CEP350: variants seen among roughly 807,000 people sequenced by gnomAD.
The protein encoded by CEP350 is centrosome-associated protein 350.
In CEP350, 126 loss-of-function variants were observed where a neutral mutation model predicts 331.8. The observed-to-expected ratio is 0.38, with a 90% CI of 0.33 to 0.44. The LOEUF (loss-of-function observed/expected upper bound fraction) is 0.44, where lower values mean the gene tolerates loss of function less well. Ranked by LOEUF, CEP350 falls within the 20% of genes least tolerant of loss-of-function variation. The pLI is 1.00. For missense variants in CEP350, 3,406 were observed against 3,634.6 expected (o/e 0.94, Z 1.62); for synonymous variants, 1,200 against 1,259.5 (o/e 0.95, Z 1.00).
chr1:180,040,028 A>T (rs1035672786), intron 17 of CEP350, among the ~76,000 whole-genome samples: 1 of 146,904 alleles, frequency 6.8e-6, no homozygotes. Flanking sequence ...TGATGCTAAA[A>T]TTTTTTTTTT....
At chr1:180,075,580 ATAAAAT>A (rs1252752737) in intron 28 of CEP350, among the ~76,000 whole-genome samples, 1 of 152,174 alleles carries the variant, frequency 6.6e-6, no homozygotes, top group Non-Finnish European at 1.5e-5. Flanking sequence ...TAAAAATAAA[ATAAAAT>A]TAAAATGCAA....
At chr1:179,963,159 A>AT (rs933886191) in intron 1 of CEP350, among the ~76,000 whole-genome samples, 40 of 146,586 alleles carry the variant, frequency 2.7e-4, no homozygotes, top group Non-Finnish European at 5.7e-4. Flanking sequence ...TAATGGAGTT[A>AT]TTTTTTTTTT....
At position 180,037,074 on chromosome 1, in the gene CEP350, A is replaced by C. The variant is rs369864251; in HGVS notation, c.4095A>C (p.Leu1365=). 49 of 1,582,830 alleles carry C rather than the reference A, an allele frequency of 3.1e-5. No individual in the cohort carries two copies. The highest frequency in any genetic ancestry group is 3.6e-5 in the Non-Finnish European group (42 of 1,168,900). ...TTGCTCAGCAGGAGAGTGTGTCTCT[A>C]GCTCAGATAATAAAGGTATTTTTGG... ...ISLAQQESVS[L]AQIIKAQQQR... The change falls in exon 17 of 38, where the codon CTA becomes CTC. Residue 1365 remains leucine (L), a synonymous_variant. Transcript: ENST00000367607.
intron 1 of CEP350, among the ~76,000 whole-genome samples, chr1:179,985,322 T>C (rs1652575238): frequency 6.6e-6 from 1 of 152,220 alleles, no homozygotes; most frequent in Non-Finnish European, 1.5e-5. Flanking sequence ...TTATAGCACA[T>C]ATCAGATTTC....
intron 17 of CEP350, among the ~76,000 whole-genome samples, chr1:180,037,622 A>C (rs895181453): frequency 6.6e-6 from 1 of 152,220 alleles, no homozygotes; most frequent in African/African-American, 2.4e-5. Flanking sequence ...AAATACACAG[A>C]TTTTAAGTGT....
intron 1 of CEP350, among the ~76,000 whole-genome samples, chr1:179,964,211 GT>G (rs1221437957): frequency 6.6e-6 from 1 of 152,064 alleles, no homozygotes; most frequent in African/African-American, 2.4e-5. Flanking sequence ...AGGTCTAGGA[GT>G]TTTTTGAAGG....
chr1:180,078,573 T>C lies in CEP350; in HGVS notation c.5878T>C (p.Ser1960Pro), dbSNP rs145705801. The C allele has an allele frequency of 1.0e-4, 165 of 1,613,454 alleles. 1 individual carries two copies. The South Asian group carries it at 1.5e-3, about 15-fold the overall frequency. Residue 1960 changes from serine (S) to proline (P), a missense_variant, in exon 29 of 38, where the codon TCT (serine) becomes CCT (proline). Transcript: ENST00000367607. Reference sequence around the variant, plus strand: ...TGCTGTTGAATATGTACCATCCGAGTCTATAGGACAGGAGCAGCCAGGGAG... The same window carrying C: ...TGCTGTTGAATATGTACCATCCGAGCCTATAGGACAGGAGCAGCCAGGGAG... ...SPAVEYVPSE[S>P]IGQEQPGSPD...
intron 22 of CEP350, among the ~76,000 whole-genome samples, chr1:180,050,008 A>G (rs980528532): frequency 1.3e-5 from 2 of 152,238 alleles, no homozygotes; most frequent in African/African-American, 4.8e-5. Context: ...ACTGCAGAGC[A>G]TGGAGCCCAG....
Position 180,043,138 on chromosome 1 carries a change from G to A in CEP350, c.4445G>A (p.Arg1482Gln), listed in dbSNP as rs751701623. The A allele has an allele frequency of 8.7e-6, 14 of 1,613,528 alleles. No individual in the cohort carries two copies. Among genetic ancestry groups the A allele is most frequent in the South Asian group, 5.5e-5 (5 of 91,054 alleles). The part of the protein sequence containing the change: ...APLAILYDHQ[R>Q]QHLPDFVKQL... The stretch of plus-strand genomic sequence containing the variant: ...CTTGCAATACTGTATGACCACCAAC[G>A]GCAGCACCTTCCAGACTTTGTGAAA... Residue 1482 changes from arginine (R) to glutamine (Q), a missense_variant, in exon 20 of 38, where the codon CGG becomes CAG. Arg to Gln is a conservative substitution (Grantham distance 43). Coordinates refer to ENST00000367607, the MANE Select transcript of CEP350 (RefSeq NM_014810.5).
Position 180,048,676 on chromosome 1 carries a change from A to T in CEP350, c.4763A>T (p.Asp1588Val), listed in dbSNP as rs759984650. Residue 1588 changes from aspartate to valine, a missense_variant, in exon 22 of 38, where the codon GAT (aspartate) becomes GTT (valine). Asp to Val is a radical substitution (Grantham distance 152). This residue lies in a region of CEP350 where 1,857 missense variants were observed against 1,909.2 expected (regional missense o/e 0.97). Transcript: ENST00000367607. ...QTAADDSLRS[D>V]SVPSLPDEKD... ...GCTGCAGATGATTCTCTACGAAGTG[A>T]TAGTGTTCCATCTCTTCCTGATGAA... is the stretch of plus-strand genomic sequence containing the variant. The T allele has an allele frequency of 1.2e-6, 2 of 1,612,224 alleles. No homozygotes were observed. Among genetic ancestry groups the T allele is most frequent in the South Asian group, 1.1e-5 (1 of 90,652 alleles).
chr1:180,050,696 A>C (rs1657442613), intron 22 of CEP350, among the ~76,000 whole-genome samples: 1 of 151,642 alleles, frequency 6.6e-6, no homozygotes, highest in Non-Finnish European at 1.5e-5. Context: ...AAAAACAAAA[A>C]AACCTCAATA....
Position 180,093,300 on chromosome 1 carries a change from G to A in CEP350, c.7195G>A (p.Val2399Met), listed in dbSNP as rs751666125. ...TGAATTGTACAAAGATGATTTTGAG[G>A]TGTCATCTTTGCTGTCACTCAGGAA... ...SAELYKDDFE[V>M]SSLLSLRKDS... The change falls in exon 34 of 38, where the codon GTG becomes ATG. Residue 2399 changes from valine to methionine, a missense_variant. Physicochemically the swap from Val to Met is conservative, Grantham distance 21. This residue lies in a region of CEP350 where 1,415 missense variants were observed against 1,512.3 expected (regional missense o/e 0.94). Transcript: ENST00000367607. The A allele has an allele frequency of 2.8e-5, 45 of 1,597,970 alleles. No individual in the cohort carries two copies. Among genetic ancestry groups the A allele is most frequent in the Non-Finnish European group, 3.4e-5 (40 of 1,171,554 alleles).
At chr1:180,004,873 G>GCTTGCTTGCTTGCTTGCTTGCTT (rs1654108990) in intron 7 of CEP350, among the ~76,000 whole-genome samples, 5 of 100,614 alleles carry the variant, frequency 5.0e-5, no homozygotes, top group South Asian at 3.9e-4. Flanking sequence ...CAGGCTGGCT[G>GCTTGCTTGCTTGCTTGCTTGCTT]GCTTGCTTGC....
intron 1 of CEP350, among the ~76,000 whole-genome samples, chr1:179,964,889 G>A (rs1650893631): frequency 6.6e-6 from 1 of 150,386 alleles, no homozygotes; most frequent in South Asian, 2.1e-4. Flanking sequence ...GTTTGTTTTG[G>A]TCTCAATTAA....
chr1:180,078,339 C>T, intron 28 of CEP350, 124 bp from the exon 29 acceptor site: 2 of 662,280 alleles, frequency 3.0e-6, no homozygotes, highest in Non-Finnish European at 5.2e-6. Context: ...AGCTATGACT[C>T]TCCTGTTTGT....
rs537726970 is a variant in CEP350, at chr1:179,959,974, A to G, written c.-14+4832A>G. On this transcript the variant is annotated intron_variant, in intron 1 of 37. Coordinates refer to ENST00000367607, the MANE Select transcript of CEP350 (RefSeq NM_014810.5). ...CTTAATGTTGTCCATAAGTACTTGG[A>G]AACTGCAACTTCTAAGACCCCAAAC... Among the ~76,000 whole-genome samples, 127 of 152,284 alleles carry G rather than the reference A, an allele frequency of 8.3e-4. 2 individuals are homozygous for G. The highest frequency in any genetic ancestry group is 3.0e-3 in the African/African-American group (124 of 41,542).
chr1:180,091,030 GGTCTCACTCTGTCACCCA>G (rs1253499914), intron 33 of CEP350, among the ~76,000 whole-genome samples: 2 of 151,024 alleles, frequency 1.3e-5, no homozygotes, highest in Non-Finnish European at 3.0e-5. Flanking sequence ...TTCGAGACAG[GGTCTCACTCTGTCACCCA>G]AGCTGGAGTG....
In CEP350 at chr1:180,020,905, A is replaced by G; in HGVS notation, c.3131A>G (p.His1044Arg). The change falls in exon 12 of 38, where the codon CAC (histidine) becomes CGC (arginine). Residue 1044 changes from histidine to arginine, a missense_variant. By Grantham distance (29) the His-to-Arg change is conservative. This residue lies in a region of CEP350 where 1,857 missense variants were observed against 1,909.2 expected (regional missense o/e 0.97). Coordinates refer to ENST00000367607, the MANE Select transcript of CEP350 (RefSeq NM_014810.5). ...GAAAAATTCTTGCCACTTTTTGGGCACATAGGTGGTACACAAAGCAAAGGA... is the reference window on the plus strand; with the variant it reads ...GAAAAATTCTTGCCACTTTTTGGGCGCATAGGTGGTACACAAAGCAAAGGA... Reference protein sequence around the residue: ...EAEKFLPLFGHIGGTQSKGPW... With the variant: ...EAEKFLPLFGRIGGTQSKGPW... 6.2e-7 allele frequency: 1 copy of G among 1,613,140 alleles called. No individual in the cohort carries two copies. Among genetic ancestry groups the G allele is most frequent in the Middle Eastern group, 1.7e-4 (1 of 6,060 alleles).
At chr1:179,999,150 C>A (rs541518380) in intron 6 of CEP350, among the ~76,000 whole-genome samples, 1 of 151,968 alleles carries the variant, frequency 6.6e-6, no homozygotes, top group Non-Finnish European at 1.5e-5. Flanking sequence ...AAGTTTTGTT[C>A]TTTGTACAAG....
Sources: allele counts gnomAD v4.1 joint callset (sites outside exome capture counted in the v4.1 genomes callset), GRCh38; gene constraint gnomAD v4.1.1; regional missense constraint gnomAD v4.1.1; transcripts MANE v1.5; gene names NCBI Gene and HGNC (gene_info 2026-07-23, HGNC 2026-07-21).